The following STXBP6 variants were observed in gnomAD, a reference collection of about 807,000 sequenced individuals.
STXBP6 encodes syntaxin-binding protein 6.
A neutral mutation model predicts 26.9 loss-of-function variants in STXBP6; 21 were observed. The observed-to-expected ratio is 0.78, with a 90% CI of 0.55 to 1.12. The LOEUF is 1.12. Among genes scored for constraint, STXBP6 ranks in the 50% most tolerant of loss-of-function variants. The pLI is 0.00. For synonymous variants in STXBP6, 97 were observed against 92.6 expected, an observed-to-expected ratio of 1.05 and a Z score of -0.27; for missense variants, 232 against 257.9, an observed-to-expected ratio of 0.90 and a Z score of 0.69.
At chr14:24,857,389 G>T (rs1026770018) in intron 2 of STXBP6, among the ~76,000 whole-genome samples, 3 of 152,106 alleles carry the variant, frequency 2.0e-5, no homozygotes, top group African/African-American at 7.2e-5. Flanking sequence ...AATTATAATT[G>T]TAAGGGCTGC....
intron 5 of STXBP6, chr14:24,815,692 G>A (rs1406904517): frequency 2.0e-5 from 3 of 152,128 alleles, no homozygotes; most frequent in Non-Finnish European, 4.4e-5. Context: ...ATGTCTGAGT[G>A]TGGGTAATGC....
At chr14:24,912,672 C>A (rs1011117907) in intron 2 of STXBP6, among the ~76,000 whole-genome samples, 1 of 152,136 alleles carries the variant, frequency 6.6e-6, no homozygotes, top group African/African-American at 2.4e-5. Flanking sequence ...TGTGAGTACA[C>A]TTGATTAATG....
At chr14:24,945,301 A>C (rs1458372861) in intron 2 of STXBP6, among the ~76,000 whole-genome samples, 1 of 151,844 alleles carries the variant, frequency 6.6e-6, no homozygotes, top group Non-Finnish European at 1.5e-5. Flanking sequence ...AAAAAACACT[A>C]CACACGGTGG....
chr14:24,902,263 G>T (rs1214398013), intron 2 of STXBP6, among the ~76,000 whole-genome samples: 1 of 152,126 alleles, frequency 6.6e-6, no homozygotes, highest in Non-Finnish European at 1.5e-5. Context: ...GGGACTAGTT[G>T]TGGGTATATT....
At chr14:24,841,290 A>T (rs1387107712) in intron 4 of STXBP6, among the ~76,000 whole-genome samples, 1 of 152,228 alleles carries the variant, frequency 6.6e-6, no homozygotes, top group Admixed American at 6.5e-5. Context: ...GACTTTTGGC[A>T]TCTCTTGTTG....
At chr14:24,943,070 C>G (rs2072861293) in intron 2 of STXBP6, among the ~76,000 whole-genome samples, 1 of 152,220 alleles carries the variant, frequency 6.6e-6, no homozygotes, top group South Asian at 2.1e-4. Context: ...GGGTTAGCAT[C>G]TTGCCCAATA....
chr14:24,809,626 G>A lies in STXBP6; in HGVS notation c.*3083C>T, dbSNP rs570174244. 6.6e-6 allele frequency: 1 copy of A among 152,260 alleles called. No individual in the cohort carries two copies. Among genetic ancestry groups the A allele is most frequent in the African/African-American group, 2.4e-5 (1 of 41,560 alleles). The allele number at this position is 152,260 out of a possible 1,614,324, so 9.4% of individuals were successfully genotyped here. On this transcript the variant is annotated 3_prime_UTR_variant, in exon 6 of 6. Coordinates refer to ENST00000323944, the MANE Select transcript of STXBP6 (RefSeq NM_001394410.1). ...TGTACTTATTTGGTAGTGTTTTATA[G>A]AGTTCATAAATAACTGCAAGAAACA... is the stretch of plus-strand genomic sequence containing the variant.
rs75873628 is a variant in STXBP6 at position 24,828,772 on chromosome 14, A to G, written c.452-9578T>C. 6.9e-3 allele frequency among the ~76,000 whole-genome samples: 1,048 copies of G among 152,336 alleles called. 13 individuals carry two copies. The highest frequency in any genetic ancestry group is 0.024 in the African/African-American group (990 of 41,580). ...TCCCAGGGGAAGAAACTTCTAGACA[A>G]CGTGACAAATTATAATTAGATATTA... On this transcript the variant is annotated intron_variant, in intron 4 of 5. Coordinates refer to ENST00000323944, the MANE Select transcript of STXBP6 (RefSeq NM_001394410.1).
intron 1 of STXBP6, among the ~76,000 whole-genome samples, chr14:25,027,469 A>C (rs2075369892): frequency 6.6e-6 from 1 of 152,088 alleles, no homozygotes; most frequent in Non-Finnish European, 1.5e-5. Context: ...TGCTCCACCC[A>C]CCAGCCCTGT....
intron 1 of STXBP6, among the ~76,000 whole-genome samples, chr14:25,028,156 C>T (rs1342576497): frequency 6.6e-6 from 1 of 152,162 alleles, no homozygotes; most frequent in African/African-American, 2.4e-5. Flanking sequence ...TATCAGTTAC[C>T]ATTAAGGTTA....
chr14:24,898,829 CA>C (rs2071097821), intron 2 of STXBP6, among the ~76,000 whole-genome samples: 1 of 152,120 alleles, frequency 6.6e-6, no homozygotes, highest in Admixed American at 6.5e-5. Flanking sequence ...AAATTATACA[CA>C]AGTATGTGTA....
At chr14:24,890,345 A>G (rs1658508658) in intron 2 of STXBP6, among the ~76,000 whole-genome samples, 1 of 152,274 alleles carries the variant, frequency 6.6e-6, no homozygotes, top group South Asian at 2.1e-4. Context: ...GGAGGTTGGC[A>G]TGGATGTGGG....
chr14:24,925,624 C>A (rs2072135116), intron 2 of STXBP6, among the ~76,000 whole-genome samples: 1 of 152,130 alleles, frequency 6.6e-6, no homozygotes, highest in Non-Finnish European at 1.5e-5. Context: ...CTTCTCAACT[C>A]CATAGGATTT....
intron 5 of STXBP6, chr14:24,818,050 T>C (rs2068031717): frequency 2.2e-6 from 1 of 456,608 alleles, no homozygotes. Context: ...TCCATCCTTG[T>C]TTCCTCAGCA....
At chr14:24,882,378 CAAAAAAAAAAAAAAAAAAAAAAAA>C (rs57240083) in intron 2 of STXBP6, among the ~76,000 whole-genome samples, 8 of 26,830 alleles carry the variant, frequency 3.0e-4, no homozygotes, top group Non-Finnish European at 4.7e-4. Context: ...GACTCCGTCT[CAAAAAAAAAAAAAAAAAAAAAAAA>C]AAAAAAAAAA....
At chr14:24,951,997 G>A (rs1033273092) in intron 2 of STXBP6, among the ~76,000 whole-genome samples, 2 of 151,232 alleles carry the variant, frequency 1.3e-5, no homozygotes, top group African/African-American at 4.8e-5. Context: ...TATTTTGATT[G>A]TGTTTTTAGC....
At chr14:24,991,691 A>G (rs1293048135) in intron 1 of STXBP6, among the ~76,000 whole-genome samples, 1 of 152,210 alleles carries the variant, frequency 6.6e-6, no homozygotes, top group African/African-American at 2.4e-5. Context: ...ACAAATTCAA[A>G]CCACACTAAA....
chr14:24,915,622 G>A (rs2071739444), intron 2 of STXBP6, among the ~76,000 whole-genome samples: 1 of 152,116 alleles, frequency 6.6e-6, no homozygotes, highest in Non-Finnish European at 1.5e-5. Flanking sequence ...GTCATAGCAT[G>A]TGTATAGCAA....
intron 1 of STXBP6, among the ~76,000 whole-genome samples, chr14:25,019,250 A>G (rs544973054): frequency 6.6e-6 from 1 of 152,204 alleles, no homozygotes; most frequent in African/African-American, 2.4e-5. Context: ...GGAGAATCCA[A>G]GTCTCAGGAC....
Sources: gnomAD v4.1 joint callset for allele counts (sites outside exome capture counted in the v4.1 genomes callset) on GRCh38, gnomAD v4.1.1 for gene constraint, MANE v1.5 for transcripts, NCBI Gene and HGNC (gene_info 2026-07-23, HGNC 2026-07-21) for gene names.